The following IL33 variants were observed in gnomAD, a reference collection of about 807,000 sequenced individuals.
IL33 encodes interleukin-33.
In IL33, 37 loss-of-function variants were observed where a neutral mutation model predicts 27.3. The ratio of observed to expected loss-of-function variants is 1.36; its 90% CI spans 1.04 to 1.78. The LOEUF (loss-of-function observed/expected upper bound fraction) is 1.78, where lower values mean the gene tolerates loss of function less well. Among genes scored for constraint, IL33 ranks in the 40% most tolerant of loss-of-function variants. The pLI is 0.00. For missense variants in IL33, 406 were observed against 311.4 expected (o/e 1.30, Z -2.29); for synonymous variants, 132 against 102.9 (o/e 1.28, Z -1.71).
chr9:6,249,195 T>A (rs1270918004), intron 2 of IL33, among the ~76,000 whole-genome samples: 2 of 152,340 alleles, frequency 1.3e-5, no homozygotes, highest in Non-Finnish European at 2.9e-5. Flanking sequence ...TACCTACTCA[T>A]CTGAATTGGA....
At chr9:6,215,269 C>A (rs781624031), upstream of IL33, among the ~76,000 whole-genome samples, 3 of 152,246 alleles carry the variant, frequency 2.0e-5, no homozygotes, top group Non-Finnish European at 4.4e-5. Flanking sequence ...GTATTATCTT[C>A]TGCGAGATTT....
In IL33 at chr9:6,257,012, A is replaced by G. The variant is rs1382954506; in HGVS notation, c.*844A>G. 1.3e-5 allele frequency: 2 copies of G among 151,962 alleles called. No individual in the cohort carries two copies. Among genetic ancestry groups the G allele is most frequent in the African/African-American group, 4.8e-5 (2 of 41,350 alleles). The allele number at this position is 151,962 out of a possible 1,614,324, so 9.4% of individuals were successfully genotyped here. On this transcript the variant is annotated 3_prime_UTR_variant, in exon 8 of 8. Coordinates refer to ENST00000682010, the MANE Select transcript of IL33 (RefSeq NM_033439.4). Reference sequence around the variant, plus strand: ...TTTTTTTTTTAAAGAGTACTGAGTCACAACATGTTTTAGAGCATCCAAGTA... The same window carrying G: ...TTTTTTTTTTAAAGAGTACTGAGTCGCAACATGTTTTAGAGCATCCAAGTA...
At chr9:6,229,941 C>G (rs1165231494) in intron 1 of IL33, among the ~76,000 whole-genome samples, 1 of 152,032 alleles carries the variant, frequency 6.6e-6, no homozygotes. Flanking sequence ...AACAGAGTTT[C>G]CCAGACAAAG....
At chr9:6,235,708 C>G (rs1421267245) in intron 1 of IL33, among the ~76,000 whole-genome samples, 1 of 151,934 alleles carries the variant, frequency 6.6e-6, no homozygotes, top group East Asian at 1.9e-4. Flanking sequence ...TTAAAAGATG[C>G]TCAATCTCAT....
chr9:6,218,107 G>A (rs373200194), intron 1 of IL33, among the ~76,000 whole-genome samples: 6 of 152,158 alleles, frequency 3.9e-5, no homozygotes, highest in African/African-American at 1.4e-4. Flanking sequence ...GAATCACACA[G>A]CTCGGTATTG....
chr9:6,251,324 G>A (rs538994832), intron 4 of IL33, 59 bp downstream of exon 4: 76 of 1,597,982 alleles, frequency 4.8e-5, no homozygotes, highest in Non-Finnish European at 5.5e-5. Context: ...ACAGGACCCC[G>A]GAAAGTGCTA....
At chr9:6,220,127 T>C (rs1818346409) in intron 1 of IL33, among the ~76,000 whole-genome samples, 1 of 152,168 alleles carries the variant, frequency 6.6e-6, no homozygotes, top group Admixed American at 6.5e-5. Flanking sequence ...CCAGCCATTG[T>C]TCTCTTCTGT....
intron 1 of IL33, among the ~76,000 whole-genome samples, chr9:6,216,474 C>T (rs1259345066): frequency 6.6e-6 from 1 of 152,166 alleles, no homozygotes; most frequent in African/African-American, 2.4e-5. Context: ...GTGGTTCAAG[C>T]CTGTAATCCC....
At chr9:6,216,355 T>C (rs781536439) in intron 1 of IL33, among the ~76,000 whole-genome samples, 4 of 152,218 alleles carry the variant, frequency 2.6e-5, no homozygotes, top group Non-Finnish European at 4.4e-5. Flanking sequence ...GGAAACTTTA[T>C]AAAGCAAGTT....
chr9:6,224,271 T>C (rs987877136), intron 1 of IL33, among the ~76,000 whole-genome samples: 2 of 152,210 alleles, frequency 1.3e-5, no homozygotes, highest in African/African-American at 4.8e-5. Flanking sequence ...TGGCTCTAAC[T>C]ATATAACTGT....
intron 1 of IL33, among the ~76,000 whole-genome samples, chr9:6,229,748 A>T (rs1467105542): frequency 6.6e-6 from 1 of 152,232 alleles, no homozygotes; most frequent in African/African-American, 2.4e-5. Context: ...TGGGGAAATA[A>T]AGATGACTAA....
chr9:6,221,112 G>C (rs1438875919), intron 1 of IL33, among the ~76,000 whole-genome samples: 4 of 152,056 alleles, frequency 2.6e-5, no homozygotes, highest in African/African-American at 9.7e-5. Context: ...CAAGTTTCAG[G>C]CACAGAAATA....
At position 6,256,065 on chromosome 9, in the gene IL33, GA is replaced by G; in HGVS notation, c.711del (p.Val238CysfsTer3). On this transcript the variant is annotated frameshift_variant, in exon 8 of 8. Transcript: ENST00000682010. LOFTEE classifies it low-confidence loss of function (END_TRUNC). The part of the protein sequence containing the change: ...CVSFECKTDP[G>X]VFIGVKDNHL... ...TCATTTGAATGCAAGACTGATCCTG[GA>G]GTGTTTATAGGTGTAAAGGATAATC... 6.2e-7 allele frequency: 1 copy of G among 1,613,168 alleles called. No individual in the cohort carries two copies. The highest frequency in any genetic ancestry group is 1.1e-5 in the South Asian group (1 of 91,058).
chr9:6,219,533 C>CA (rs1818324483), intron 1 of IL33, among the ~76,000 whole-genome samples: 1 of 152,152 alleles, frequency 6.6e-6, no homozygotes, highest in Non-Finnish European at 1.5e-5. Context: ...AGTAAAGACA[C>CA]AAATTTTTAG....
chr9:6,244,611 G>T (rs1587650527), intron 2 of IL33, among the ~76,000 whole-genome samples: 1 of 152,124 alleles, frequency 6.6e-6, no homozygotes, highest in Admixed American at 6.5e-5. Context: ...TGAAATCATG[G>T]AAAGTAAACC....
intron 6 of IL33, among the ~76,000 whole-genome samples, chr9:6,253,967 C>T (rs1347372876): frequency 6.6e-6 from 1 of 152,164 alleles, no homozygotes; most frequent in Admixed American, 6.5e-5. Context: ...GGGAGCATGA[C>T]AATGCCTGGT....
chr9:6,250,466 T>C lies in IL33; in HGVS notation c.92-8T>C. The C allele has an allele frequency of 6.2e-7, 1 of 1,611,648 alleles. No homozygotes were observed. The highest frequency in any genetic ancestry group is 8.5e-7 in the Non-Finnish European group (1 of 1,178,946). ...TGAAACAGTCTCACAAGTTTTTCAATTGTTTAGAATCCCAACAGAAGGCCA... is the reference window on the plus strand; with the variant it reads ...TGAAACAGTCTCACAAGTTTTTCAACTGTTTAGAATCCCAACAGAAGGCCA... On this transcript the variant is annotated splice_polypyrimidine_tract_variant and splice_region_variant and intron_variant, in intron 2 of 7. Coordinates refer to ENST00000682010, the MANE Select transcript of IL33 (RefSeq NM_033439.4).
chr9:6,219,303 A>G (rs998465848), intron 1 of IL33, among the ~76,000 whole-genome samples: 1 of 151,960 alleles, frequency 6.6e-6, no homozygotes, highest in Admixed American at 6.6e-5. Context: ...AAGCAAAAGT[A>G]ACTTTTAAGG....
At chr9:6,253,801 T>C (rs1051688009) in intron 6 of IL33, among the ~76,000 whole-genome samples, 199 bp downstream of exon 6, 1 of 152,222 alleles carries the variant, frequency 6.6e-6, no homozygotes, top group African/African-American at 2.4e-5. Flanking sequence ...GGATAAAGTT[T>C]TGGCTACACT....
Sources: gnomAD v4.1 joint callset for allele counts (sites outside exome capture counted in the v4.1 genomes callset) on GRCh38, gnomAD v4.1.1 for gene constraint, MANE v1.5 for transcripts, NCBI Gene and HGNC (gene_info 2026-07-23, HGNC 2026-07-21) for gene names.